The following CCDC97 variants were observed in gnomAD, a reference collection of about 807,000 sequenced individuals.
The protein encoded by CCDC97 is coiled-coil domain containing 97.
CCDC97 carries 27 observed loss-of-function variants against 33.9 expected under a neutral mutation model. The observed-to-expected ratio is 0.80, with a 90% CI of 0.59 to 1.10. The LOEUF is 1.10. Ranked by LOEUF, CCDC97 falls within the 50% of genes least tolerant of loss-of-function variation. CCDC97 has a pLI of 0.00. For missense variants in CCDC97, 422 were observed against 476.6 expected (o/e 0.89, Z 1.07); for synonymous variants, 217 against 194.0 (o/e 1.12, Z -0.99).
In CCDC97 at chr19:41,319,863, G is replaced by A; in HGVS notation, c.781+11G>A. The stretch of plus-strand genomic sequence containing the variant: ...ACAGTGACGAGGAAGGTGAGGGCCA[G>A]TAGCAGGAAGACCCCAGATTCCAGA... On this transcript the variant is annotated intron_variant, in intron 3 of 4. Coordinates refer to ENST00000269967, the MANE Select transcript of CCDC97 (RefSeq NM_052848.3). The A allele has an allele frequency of 1.5e-6, 2 of 1,295,908 alleles. No homozygotes were observed. Among genetic ancestry groups the A allele is most frequent in the Non-Finnish European group, 2.2e-6 (2 of 920,284 alleles). The allele number at this position is 1,295,908 out of a possible 1,614,324, so 80.3% of individuals were successfully genotyped here. A position where few individuals can be genotyped will look rare whatever the true frequency, so the allele number is the denominator to read the frequency against.
intron 1 of CCDC97, among the ~76,000 whole-genome samples, 183 bp from the exon 2 acceptor site, chr19:41,316,201 T>C (rs1183940453): frequency 2.0e-5 from 3 of 152,218 alleles, no homozygotes; most frequent in African/African-American, 7.2e-5. Flanking sequence ...TCGGTAATTA[T>C]GTTGCTAATT....
At position 41,322,609 on chromosome 19, in the gene CCDC97, A is replaced by G; in HGVS notation, c.926A>G (p.Asn309Ser). The change falls in exon 5 of 5, where the codon AAC (asparagine) becomes AGC (serine). Residue 309 changes from asparagine (N) to serine (S), a missense_variant. Transcript: ENST00000269967. ...GDFDYSTVDD[N>S]PDFDNLDIVA... is the part of the protein sequence containing the mutation. The stretch of plus-strand genomic sequence containing the variant: ...TCCTCCTGCAGCACAGTAGACGACA[A>G]CCCCGACTTCGACAACCTCGACATC... The G allele has an allele frequency of 1.2e-6, 2 of 1,613,466 alleles. No individual in the cohort carries two copies. The highest frequency in any genetic ancestry group is 1.7e-6 in the Non-Finnish European group (2 of 1,179,660).
intron 4 of CCDC97, 177 bp downstream of exon 4, chr19:41,320,647 C>T (rs1166620079): frequency 1.5e-6 from 1 of 689,068 alleles, no homozygotes; most frequent in East Asian, 2.9e-5. Context: ...CTCGGACTAG[C>T]CTTGTCCATC....
Position 41,324,574 on chromosome 19 carries a change from G to A in CCDC97, c.*1859G>A, listed in dbSNP as rs979501870. The A allele has an allele frequency of 3.3e-5, 5 of 152,296 alleles. No homozygotes were observed. Among genetic ancestry groups the A allele is most frequent in the African/African-American group, 9.6e-5 (4 of 41,456 alleles). 9.4% of individuals were successfully genotyped at this position (152,296 alleles called of 1,614,324 possible). ...CACACAGACAGGATCAGGTCATCTTGATATGGAGATCAGTCCCCAAATCAC... is the reference window on the plus strand; with the variant it reads ...CACACAGACAGGATCAGGTCATCTTAATATGGAGATCAGTCCCCAAATCAC... On this transcript the variant is annotated 3_prime_UTR_variant, in exon 5 of 5. Coordinates refer to ENST00000269967, the MANE Select transcript of CCDC97 (RefSeq NM_052848.3).
chr19:41,310,421 C>T, intron 1 of CCDC97, 65 bp downstream of exon 1: 1 of 1,554,008 alleles, frequency 6.4e-7, no homozygotes, highest in Non-Finnish European at 8.7e-7. Flanking sequence ...GAAATGATTC[C>T]CCCAGGAACG....
chr19:41,322,892 C>T lies in CCDC97; in HGVS notation c.*177C>T. On this transcript the variant is annotated 3_prime_UTR_variant, in exon 5 of 5. Transcript: ENST00000269967. ...CAGACAACCCCCACCCCCACTGTTTCTGGGGTTCCCTTTCTCATCTCTCCC... is the reference window on the plus strand; with the variant it reads ...CAGACAACCCCCACCCCCACTGTTTTTGGGGTTCCCTTTCTCATCTCTCCC... The T allele has an allele frequency of 1.7e-6, 1 of 578,340 alleles. No individual in the cohort carries two copies. Among genetic ancestry groups the T allele is most frequent in the Non-Finnish European group, 2.8e-6 (1 of 354,636 alleles). 35.8% of individuals were successfully genotyped at this position (578,340 alleles called of 1,614,324 possible).
chr19:41,319,648 C>A lies in CCDC97; in HGVS notation c.577C>A (p.Leu193Ile). 6.2e-7 allele frequency: 1 copy of A among 1,614,100 alleles called. No homozygotes were observed. Among genetic ancestry groups the A allele is most frequent in the Non-Finnish European group, 8.5e-7 (1 of 1,179,974 alleles). ...LLYEQYIGQY[L>I]TQEELSARTP... Reference sequence around the variant, plus strand: ...ATATGAGCAGTACATCGGGCAGTATCTCACCCAGGAGGAGCTCAGTGCCCG... The same window carrying A: ...ATATGAGCAGTACATCGGGCAGTATATCACCCAGGAGGAGCTCAGTGCCCG... The change falls in exon 3 of 5, where the codon CTC becomes ATC. Residue 193 changes from leucine (L) to isoleucine (I), a missense_variant. Coordinates refer to ENST00000269967, the MANE Select transcript of CCDC97 (RefSeq NM_052848.3).
At chr19:41,311,344 C>A (rs1053905464) in intron 1 of CCDC97, among the ~76,000 whole-genome samples, 11 of 152,284 alleles carry the variant, frequency 7.2e-5, no homozygotes, top group Admixed American at 2.0e-4. Context: ...GATTATTACA[C>A]CACTGCACTC....
intron 1 of CCDC97, among the ~76,000 whole-genome samples, chr19:41,313,710 A>G (rs1599872079): frequency 6.6e-6 from 1 of 151,490 alleles, no homozygotes; most frequent in South Asian, 2.1e-4. Flanking sequence ...TTTTCTTTCC[A>G]TTTTTTTGAG....
Position 41,323,412 on chromosome 19 carries a change from G to C in CCDC97, c.*697G>C, listed in dbSNP as rs2037847439. 6.5e-6 allele frequency: 1 copy of C among 153,688 alleles called. No homozygotes were observed. Among genetic ancestry groups the C allele is most frequent in the Non-Finnish European group, 1.4e-5 (1 of 69,226 alleles). The allele number at this position is 153,688 out of a possible 1,614,324, so 9.5% of individuals were successfully genotyped here. A position where few individuals can be genotyped will look rare whatever the true frequency, so the allele number is the denominator to read the frequency against. On this transcript the variant is annotated 3_prime_UTR_variant, in exon 5 of 5. Coordinates refer to ENST00000269967, the MANE Select transcript of CCDC97 (RefSeq NM_052848.3). ...TCTGGGTTTTGATCCCCCACTCCAG[G>C]CTCTGGGCCCCTTCTTCCCCCTTCC...
intron 1 of CCDC97, among the ~76,000 whole-genome samples, chr19:41,314,753 A>G (rs998553980): frequency 6.6e-6 from 1 of 152,124 alleles, no homozygotes; most frequent in Admixed American, 6.5e-5. Flanking sequence ...TAATCTCAGC[A>G]CTTTGGAAGC....
chr19:41,316,961 CAG>C, intron 2 of CCDC97, 122 bp downstream of exon 2: 2 of 756,306 alleles, frequency 2.6e-6, no homozygotes, highest in East Asian at 2.7e-5. Flanking sequence ...AGTTCTGAGA[CAG>C]AGACAGGGAC....
intron 1 of CCDC97, 124 bp downstream of exon 1, chr19:41,310,480 G>A: frequency 6.7e-7 from 1 of 1,502,646 alleles, no homozygotes; most frequent in Non-Finnish European, 8.9e-7. Context: ...CAGCTTTACC[G>A]GTCCTCTTCA....
At chr19:41,315,410 C>T (rs1281338825) in intron 1 of CCDC97, among the ~76,000 whole-genome samples, 3 of 151,214 alleles carry the variant, frequency 2.0e-5, no homozygotes, top group African/African-American at 7.3e-5. Flanking sequence ...AGTTGGAGAC[C>T]AGCCTAGCCA....
At chr19:41,320,299 G>T in intron 3 of CCDC97, 42 bp from the exon 4 acceptor site, 1 of 1,610,672 alleles carries the variant, frequency 6.2e-7, no homozygotes, top group South Asian at 1.1e-5. Flanking sequence ...GTGCCTGCCC[G>T]AGTGCACCCG....
Position 41,316,801 on chromosome 19 carries a change from G to T in CCDC97, c.464G>T (p.Arg155Leu). The T allele has an allele frequency of 6.2e-7, 1 of 1,600,032 alleles. No homozygotes were observed. The highest frequency in any genetic ancestry group is 8.6e-7 in the Non-Finnish European group (1 of 1,169,136). The change falls in exon 2 of 5, where the codon CGT (arginine) becomes CTT (leucine). Residue 155 changes from arginine (R) to leucine (L), a missense_variant. Arg to Leu is a moderately radical substitution (Grantham distance 102). Coordinates refer to ENST00000269967, the MANE Select transcript of CCDC97 (RefSeq NM_052848.3). ...ARPRTLRTRL[R>L]NRRYAALREL... ...CCCCGCACCCTGCGTACCCGCCTGC[G>T]TAACCGGCGCTATGCTGCCCTGCGA...
intron 2 of CCDC97, among the ~76,000 whole-genome samples, chr19:41,317,690 G>A (rs1421865962): frequency 4.3e-5 from 6 of 140,424 alleles, no homozygotes; most frequent in Admixed American, 2.2e-4. Flanking sequence ...TAGCCTGGGC[G>A]ATAAAGCCAG....
chr19:41,310,621 G>C, intron 1 of CCDC97: 1 of 985,220 alleles, frequency 1.0e-6, no homozygotes, highest in Non-Finnish European at 1.2e-6. Context: ...TTCCTTACCA[G>C]GCTAACTCTC....
rs765084035 is a variant in CCDC97, at chr19:41,310,384, G to A, written c.46+28G>A. On this transcript the variant is annotated intron_variant, in intron 1 of 4. Coordinates refer to ENST00000269967, the MANE Select transcript of CCDC97 (RefSeq NM_052848.3). ...GAGATCTTGGTCACGCGCAGGCGGC[G>A]GGTGGGTGCGGTTGCGGTGTCTCTA... is the stretch of plus-strand genomic sequence containing the variant. 1.2e-5 allele frequency: 19 copies of A among 1,592,866 alleles called. No individual in the cohort carries two copies. The Admixed American group carries it at 1.2e-4, about 10-fold the overall frequency.
Sources: gnomAD v4.1 joint callset for allele counts (sites outside exome capture counted in the v4.1 genomes callset) on GRCh38, gnomAD v4.1.1 for gene constraint, MANE v1.5 for transcripts, NCBI Gene and HGNC (gene_info 2026-07-23, HGNC 2026-07-21) for gene names.